The following CCDC60 variants were observed in gnomAD, a reference collection of about 807,000 sequenced individuals.
CCDC60 encodes coiled-coil domain-containing protein 60.
In CCDC60, 54 loss-of-function variants were observed where a neutral mutation model predicts 63.5. That is an observed-to-expected ratio of 0.85 (90% CI 0.68 to 1.07). The LOEUF is 1.07. CCDC60 is among the 50% of genes least tolerant of loss of function. The probability of loss-of-function intolerance (pLI) is 0.00; values close to 1 mark genes in which losing one functional copy is unlikely to be tolerated. For missense variants in CCDC60, 651 were observed against 684.3 expected, an observed-to-expected ratio of 0.95 and a Z score of 0.54; for synonymous variants, 206 against 238.8, an observed-to-expected ratio of 0.86 and a Z score of 1.27.
At chr12:119,369,753 G>T (rs75720025) in intron 1 of CCDC60, among the ~76,000 whole-genome samples, 8,686 of 152,206 alleles carry the variant, frequency 0.057, 303 homozygotes, top group Non-Finnish European at 0.071. Context: ...CATCCCGTAT[G>T]TTGTGTTTGT....
At chr12:119,344,959 G>A (rs1321821641) in intron 1 of CCDC60, among the ~76,000 whole-genome samples, 1 of 146,762 alleles carries the variant, frequency 6.8e-6, no homozygotes, top group African/African-American at 2.5e-5. Flanking sequence ...AGCCTTCCCT[G>A]GCCACCACCT....
At chr12:119,396,317 C>A (rs1956253771) in intron 1 of CCDC60, among the ~76,000 whole-genome samples, 1 of 152,188 alleles carries the variant, frequency 6.6e-6, no homozygotes, top group African/African-American at 2.4e-5. Flanking sequence ...TGACTAATTA[C>A]ATCTGCAAAG....
rs572158329 is a variant in CCDC60, at chr12:119,420,817, G to A, written c.91-7866G>A. Among the ~76,000 whole-genome samples, 62 of 152,190 alleles carry A rather than the reference G, an allele frequency of 4.1e-4. No individual in the cohort carries two copies. Among genetic ancestry groups the A allele is most frequent in the South Asian group, 3.1e-3 (15 of 4,810 alleles). Reference sequence around the variant, plus strand: ...ACATGCCTGTATCAAAACAACTCATGTATTCCGTAAATATATGCACTTATT... The same window carrying A: ...ACATGCCTGTATCAAAACAACTCATATATTCCGTAAATATATGCACTTATT... On this transcript the variant is annotated intron_variant, in intron 1 of 13. Transcript: ENST00000327554. This position sits in a 1 kb window ranked among gnomAD's most constrained non-coding sequence, Gnocchi z 4.1.
At chr12:119,399,396 G>A (rs920639237) in intron 1 of CCDC60, among the ~76,000 whole-genome samples, 9 of 152,284 alleles carry the variant, frequency 5.9e-5, no homozygotes, top group African/African-American at 1.9e-4. Flanking sequence ...CTATTCTCCA[G>A]GGATTAAGGG....
At chr12:119,536,164 A>G (rs1399612764) in intron 13 of CCDC60, among the ~76,000 whole-genome samples, 1 of 152,164 alleles carries the variant, frequency 6.6e-6, no homozygotes, top group African/African-American at 2.4e-5. Flanking sequence ...CTTTACCATT[A>G]TGTAATGGCC....
chr12:119,369,189 T>C (rs941828528), intron 1 of CCDC60, among the ~76,000 whole-genome samples: 4 of 152,162 alleles, frequency 2.6e-5, no homozygotes, highest in African/African-American at 7.2e-5. Flanking sequence ...TTTCCTGTGC[T>C]GGAGGAATGA....
At chr12:119,433,728 T>C (rs1727388) in intron 2 of CCDC60, 356,550 of 619,702 alleles carry the variant, frequency 0.58, 104,550 homozygotes, top group East Asian at 0.75. Context: ...TTACTGTCTC[T>C]TGGATTTTTG....
chr12:119,432,464 A>T (rs190571399), intron 2 of CCDC60, among the ~76,000 whole-genome samples: 2 of 152,336 alleles, frequency 1.3e-5, no homozygotes, highest in African/African-American at 4.8e-5. Flanking sequence ...CCCAACCATC[A>T]TGACCATGTT....
chr12:119,428,909 G>A, intron 2 of CCDC60, 147 bp downstream of exon 2: 5 of 562,544 alleles, frequency 8.9e-6, no homozygotes, highest in South Asian at 2.5e-5. Context: ...AACCCTGGGA[G>A]GAGCAGAGGG....
At chr12:119,519,435 G>GCA (rs1566058563) in intron 8 of CCDC60, among the ~76,000 whole-genome samples, 10 of 118,654 alleles carry the variant, frequency 8.4e-5, no homozygotes, top group African/African-American at 1.3e-4. Flanking sequence ...GTGTGTGTGT[G>GCA]CGCGTGTGTG....
chr12:119,416,627 G>T (rs963119667), intron 1 of CCDC60, among the ~76,000 whole-genome samples: 4 of 152,124 alleles, frequency 2.6e-5, no homozygotes, highest in Non-Finnish European at 5.9e-5. Flanking sequence ...CAGCTCAATA[G>T]ATTTTTTTTT....
At chr12:119,494,923 G>A (rs991520824) in intron 5 of CCDC60, among the ~76,000 whole-genome samples, 1 of 152,214 alleles carries the variant, frequency 6.6e-6, no homozygotes, top group African/African-American at 2.4e-5. Flanking sequence ...GGAAGTTGCG[G>A]TGAGCCGAGA....
chr12:119,500,268 C>G, intron 6 of CCDC60, 100 bp downstream of exon 6: 5 of 797,378 alleles, frequency 6.3e-6, no homozygotes, highest in Non-Finnish European at 1.0e-5. Flanking sequence ...TTTTTTTTTC[C>G]TAGTTGGTTC....
intron 1 of CCDC60, among the ~76,000 whole-genome samples, chr12:119,359,990 C>G (rs887927750): frequency 1.3e-5 from 2 of 152,144 alleles, no homozygotes; most frequent in African/African-American, 4.8e-5. Flanking sequence ...ACCTTTCCCC[C>G]CTTTCTATTC....
At chr12:119,458,070 C>T (rs784852) in intron 2 of CCDC60, among the ~76,000 whole-genome samples, 64,924 of 152,070 alleles carry the variant, frequency 0.43, 14,039 homozygotes, top group South Asian at 0.66. Context: ...TTTGCCCTCT[C>T]TTCCTCCGAA....
intron 7 of CCDC60, among the ~76,000 whole-genome samples, chr12:119,506,076 T>G (rs546865507): frequency 6.6e-6 from 1 of 152,172 alleles, no homozygotes; most frequent in Non-Finnish European, 1.5e-5. Flanking sequence ...TTTAGTAAAC[T>G]TGGAGTTGTG....
At chr12:119,532,992 C>T (rs1021894430) in intron 13 of CCDC60, among the ~76,000 whole-genome samples, 4 of 152,164 alleles carry the variant, frequency 2.6e-5, no homozygotes, top group South Asian at 2.1e-4. Flanking sequence ...GGAATCACCA[C>T]TCTGTCTTCC....
chr12:119,467,416 G>C (rs1287240164), intron 2 of CCDC60, among the ~76,000 whole-genome samples: 3 of 152,230 alleles, frequency 2.0e-5, no homozygotes, highest in Non-Finnish European at 4.4e-5. Flanking sequence ...TAGGAGTTGA[G>C]GCCTTTGGGA....
intron 4 of CCDC60, among the ~76,000 whole-genome samples, chr12:119,482,643 G>A (rs141167895): frequency 9.8e-5 from 15 of 152,302 alleles, no homozygotes; most frequent in African/African-American, 3.4e-4. Context: ...GGCTGCATTT[G>A]ATGACTTTAT....
Sources: allele counts gnomAD v4.1 joint callset (sites outside exome capture counted in the v4.1 genomes callset), GRCh38; gene constraint gnomAD v4.1.1; non-coding constraint Gnocchi (gnomAD v3.1); transcripts MANE v1.5; gene names NCBI Gene and HGNC (gene_info 2026-07-23, HGNC 2026-07-21).